The following BRI3 variants were observed in gnomAD, a reference collection of about 807,000 sequenced individuals.
The protein encoded by BRI3 is membrane protein BRI3.
BRI3 carries 6 observed loss-of-function variants against 12.8 expected under a neutral mutation model. That is an observed-to-expected ratio of 0.47 (90% CI 0.26 to 0.93). The LOEUF (loss-of-function observed/expected upper bound fraction) is 0.93. Ranked by LOEUF, BRI3 falls within the 40% of genes least tolerant of loss-of-function variation. BRI3 has a pLI of 0.15. For synonymous variants in BRI3, 91 were observed against 76.1 expected (o/e 1.20, Z -1.02); for missense variants, 134 against 171.1 (o/e 0.78, Z 1.21).
chr7:98,305,848 A>G (rs987345661), upstream of BRI3, among the ~76,000 whole-genome samples: 9 of 152,188 alleles, frequency 5.9e-5, no homozygotes, highest in African/African-American at 2.2e-4. Context: ...CTGATCTGGA[A>G]TACGGATTTG....
At chr7:98,312,501 A>G (rs1299496663), downstream of BRI3, among the ~76,000 whole-genome samples, 2 of 152,186 alleles carry the variant, frequency 1.3e-5, no homozygotes, top group Admixed American at 1.3e-4. Context: ...GTGTGAATAC[A>G]GAGCATGGGA....
chr7:98,322,197 G>T, the BRI3 span, among the ~76,000 whole-genome samples: 3 of 152,122 alleles, frequency 2.0e-5, no homozygotes, highest in East Asian at 3.9e-4. Context: ...AGAAAGCACA[G>T]ACTGGACTAT....
upstream of BRI3, among the ~76,000 whole-genome samples, chr7:98,302,163 ATACT>A (rs1800456093): frequency 2.0e-5 from 3 of 152,248 alleles, no homozygotes; most frequent in South Asian, 6.2e-4. Context: ...GAGTACACTG[ATACT>A]TACAACCAGG....
downstream of BRI3, chr7:98,293,473 T>C: frequency 6.4e-7 from 1 of 1,557,926 alleles, no homozygotes; most frequent in Non-Finnish European, 8.8e-7. Context: ...CGCCCATCAT[T>C]CCGCAAGGGA....
downstream of BRI3, among the ~76,000 whole-genome samples, chr7:98,296,636 AAAC>A (rs1413910798): frequency 6.6e-6 from 1 of 152,210 alleles, no homozygotes; most frequent in African/African-American, 2.4e-5. Context: ...AAAAACAAAA[AAAC>A]AAAAAACCAA....
intron 2 of BRI3, among the ~76,000 whole-genome samples, chr7:98,287,302 C>G (rs1158509899): frequency 5.9e-5 from 9 of 152,146 alleles, no homozygotes; most frequent in African/African-American, 9.7e-5. Flanking sequence ...AGGGAGGCTG[C>G]CTTAGGAGGT....
At chr7:98,299,696 G>C (rs1800340156) in intron 1 of BRI3, among the ~76,000 whole-genome samples, 1 of 152,176 alleles carries the variant, frequency 6.6e-6, no homozygotes, top group South Asian at 2.1e-4. Context: ...TATTTTGTAT[G>C]ATCTATTCCT....
At chr7:98,291,086 C>T (rs751978646) in intron 2 of BRI3, 25 bp from the exon 3 acceptor site, 1 of 1,613,706 alleles carries the variant, frequency 6.2e-7, no homozygotes, top group South Asian at 1.1e-5. Context: ...TACGGTGCCA[C>T]CCTCTCTGCC....
downstream of BRI3, among the ~76,000 whole-genome samples, chr7:98,314,789 C>T (rs184916096): frequency 4.6e-5 from 7 of 152,188 alleles, no homozygotes; most frequent in South Asian, 2.1e-4. Flanking sequence ...GACCTGGGCC[C>T]GCTGGGACTC....
downstream of BRI3, among the ~76,000 whole-genome samples, chr7:98,313,982 CTTTTTTTT>C (rs35599338): frequency 4.0e-5 from 4 of 100,940 alleles, no homozygotes; most frequent in African/African-American, 7.4e-5. Context: ...CTTTTTCTTC[CTTTTTTTT>C]TTTTTTTTTT....
At chr7:98,315,664 A>G in the BRI3 span, 1 of 953,342 alleles carries the variant, frequency 1.0e-6, no homozygotes, top group Admixed American at 4.3e-5. Flanking sequence ...TGACATGAGC[A>G]TCAGATAGCG....
At chr7:98,318,710 C>T in the BRI3 span, among the ~76,000 whole-genome samples, 4 of 151,366 alleles carry the variant, frequency 2.6e-5, no homozygotes, top group African/African-American at 7.3e-5. Flanking sequence ...TTTAGGAGGC[C>T]GAGGCAGGTG....
At chr7:98,305,242 G>A (rs1385799850), upstream of BRI3, among the ~76,000 whole-genome samples, 1 of 151,526 alleles carries the variant, frequency 6.6e-6, no homozygotes, top group South Asian at 2.1e-4. Flanking sequence ...TTTAAATTAG[G>A]GGCTGGCTCT....
At chr7:98,294,095 G>C (rs1463687486), downstream of BRI3, 1 of 1,614,154 alleles carries the variant, frequency 6.2e-7, no homozygotes, top group African/African-American at 1.3e-5. Flanking sequence ...CGGCTTTGCA[G>C]TCCCGTTGGC....
intron 1 of BRI3, among the ~76,000 whole-genome samples, chr7:98,298,087 T>G (rs1800264512): frequency 6.6e-6 from 1 of 152,136 alleles, no homozygotes; most frequent in African/African-American, 2.4e-5. Flanking sequence ...CTTAAAGAGA[T>G]ATCACGTGAC....
chr7:98,320,338 G>A, the BRI3 span: 52,664 of 1,469,972 alleles, frequency 0.036, 1,091 homozygotes, highest in Non-Finnish European at 0.043. Context: ...AAGCCATTGC[G>A]TATTTTTTTG....
intron 2 of BRI3, among the ~76,000 whole-genome samples, chr7:98,288,198 C>T (rs1799776002): frequency 6.6e-6 from 1 of 152,190 alleles, no homozygotes; most frequent in Non-Finnish European, 1.5e-5. Flanking sequence ...AGAGGAAGCT[C>T]CCCTGAGAGG....
chr7:98,312,925 C>A (rs889369153), downstream of BRI3, among the ~76,000 whole-genome samples: 2 of 152,184 alleles, frequency 1.3e-5, no homozygotes, highest in Admixed American at 6.5e-5. Flanking sequence ...TCTCAGAGGC[C>A]CCCCAAGCGC....
intron 1 of BRI3, among the ~76,000 whole-genome samples, chr7:98,298,179 A>C (rs1274631270): frequency 6.6e-6 from 1 of 152,236 alleles, no homozygotes; most frequent in Non-Finnish European, 1.5e-5. Context: ...TCGTCTAATA[A>C]GACGCGCCGT....
Sources: gnomAD v4.1 joint callset for allele counts (sites outside exome capture counted in the v4.1 genomes callset) on GRCh38, gnomAD v4.1.1 for gene constraint, MANE v1.5 for transcripts, NCBI Gene and HGNC (gene_info 2026-07-23, HGNC 2026-07-21) for gene names.